PIEZO2: variants seen among roughly 807,000 people sequenced by gnomAD.
PIEZO2 encodes the protein piezo-type mechanosensitive ion channel component 2.
A neutral mutation model predicts 337.3 loss-of-function variants in PIEZO2; 172 were observed. The observed-to-expected ratio is 0.51, with a 90% CI of 0.45 to 0.58. The LOEUF (loss-of-function observed/expected upper bound fraction) is 0.58. Ranked by LOEUF, PIEZO2 falls within the 20% of genes least tolerant of loss-of-function variation. PIEZO2 has a pLI of 0.00. For missense variants in PIEZO2, 3,028 were observed against 3,391.3 expected (o/e 0.89, Z 2.66); for synonymous variants, 1,251 against 1,228.5 (o/e 1.02, Z -0.38).
At chr18:10,923,390 T>C (rs1012842263) in intron 3 of PIEZO2, among the ~76,000 whole-genome samples, 15 of 152,184 alleles carry the variant, frequency 9.9e-5, no homozygotes, top group African/African-American at 3.6e-4. Flanking sequence ...TAATTCCAAG[T>C]CTGTACTCCA....
chr18:11,075,218 C>A (rs111756603), intron 1 of PIEZO2, among the ~76,000 whole-genome samples: 2 of 152,032 alleles, frequency 1.3e-5, no homozygotes, highest in Admixed American at 6.6e-5. Context: ...TCTTTCTGTA[C>A]GCTGAAGCAA....
chr18:11,066,275 G>T, intron 1 of PIEZO2, 53 bp from the exon 2 acceptor site: 2 of 1,401,312 alleles, frequency 1.4e-6, no homozygotes, highest in South Asian at 2.5e-5. Flanking sequence ...AAGGCAGGTT[G>T]ACAAAACCAG....
intron 3 of PIEZO2, among the ~76,000 whole-genome samples, chr18:10,927,412 G>A (rs776714194): frequency 1.1e-4 from 16 of 152,174 alleles, no homozygotes; most frequent in Non-Finnish European, 2.2e-4. Context: ...CAGGCCGTGG[G>A]TGGGGGACGC....
Position 10,943,855 on chromosome 18 carries a change from C to T in PIEZO2, c.287-32627G>A, listed in dbSNP as rs1779601454. On this transcript the variant is annotated intron_variant, in intron 3 of 55. Transcript: ENST00000674853. This position sits in a 1 kb window ranked among gnomAD's most constrained non-coding sequence, Gnocchi z 4.5. ...GACTGAATCATGGGAGCAAGTCTTT[C>T]CAGTGCTGTTCTCATGATAGTGAAT... Among the ~76,000 whole-genome samples, 1 of 152,106 alleles carries T rather than the reference C, an allele frequency of 6.6e-6. No individual in the cohort carries two copies. The highest frequency in any genetic ancestry group is 2.4e-5 in the African/African-American group (1 of 41,426).
At position 11,021,228 on chromosome 18, in the gene PIEZO2, G is replaced by A. The variant is rs2036297378; in HGVS notation, c.161-41568C>T. Among the ~76,000 whole-genome samples the A allele has an allele frequency of 6.6e-6, 1 of 152,168 alleles. No homozygotes were observed. The highest frequency in any genetic ancestry group is 1.5e-5 in the Non-Finnish European group (1 of 68,026). On this transcript the variant is annotated intron_variant, in intron 2 of 55. Transcript: ENST00000674853. This position sits in a 1 kb window ranked among gnomAD's most constrained non-coding sequence, Gnocchi z 4.7. ...CAAAGTTACAACCTAACTCAACAGT[G>A]CTAGTCACAGGTGTCAAGGAGACAG... is the stretch of plus-strand genomic sequence containing the variant.
chr18:11,089,195 C>T (rs1485781119), intron 1 of PIEZO2, among the ~76,000 whole-genome samples: 1 of 152,118 alleles, frequency 6.6e-6, no homozygotes, highest in Non-Finnish European at 1.5e-5. Context: ...TTTCCCAAAG[C>T]ATTCCAGGCA....
chr18:11,055,083 C>T (rs911480240), intron 2 of PIEZO2, among the ~76,000 whole-genome samples: 5 of 152,062 alleles, frequency 3.3e-5, no homozygotes, highest in Non-Finnish European at 2.9e-5. Context: ...CGGTGGCAGG[C>T]GCCTGTAGTC....
chr18:10,939,918 G>A (rs2870425), intron 3 of PIEZO2, among the ~76,000 whole-genome samples: 63,211 of 151,582 alleles, frequency 0.42, 13,865 homozygotes, highest in Non-Finnish European at 0.5. Context: ...CATGTATCCC[G>A]TGACTTAAAG....
At chr18:10,937,830 T>C (rs2032490412) in intron 3 of PIEZO2, among the ~76,000 whole-genome samples, 1 of 152,206 alleles carries the variant, frequency 6.6e-6, no homozygotes, top group African/African-American at 2.4e-5. Context: ...TATGTTCTCA[T>C]AGCCTTTGCC....
At position 10,943,172 on chromosome 18, in the gene PIEZO2, A is replaced by G. The variant is rs907524734; in HGVS notation, c.287-31944T>C. On this transcript the variant is annotated intron_variant, in intron 3 of 55. Transcript: ENST00000674853. This position sits in a 1 kb window ranked among gnomAD's most constrained non-coding sequence, Gnocchi z 4.5. The stretch of plus-strand genomic sequence containing the variant: ...AGGGAAATGTGGAGTCAGAGCCATG[A>G]CGCACAGTCCCTACTGGGGCACCAC... Among the ~76,000 whole-genome samples, 1 of 152,204 alleles carries G rather than the reference A, an allele frequency of 6.6e-6. No homozygotes were observed. The highest frequency in any genetic ancestry group is 2.4e-5 in the African/African-American group (1 of 41,452).
chr18:10,694,537 T>C (rs1202885473), intron 47 of PIEZO2, among the ~76,000 whole-genome samples: 1 of 152,164 alleles, frequency 6.6e-6, no homozygotes, highest in Admixed American at 6.5e-5. Context: ...ATGTTTAAAA[T>C]AGTACATCAT....
At chr18:11,018,956 G>C (rs1253509081) in intron 2 of PIEZO2, among the ~76,000 whole-genome samples, 1 of 151,908 alleles carries the variant, frequency 6.6e-6, no homozygotes, top group East Asian at 1.9e-4. Flanking sequence ...TCCATCACAG[G>C]TGTTTCGTGA....
At chr18:10,777,033 G>T (rs1360272993) in intron 18 of PIEZO2, among the ~76,000 whole-genome samples, 1 of 152,158 alleles carries the variant, frequency 6.6e-6, no homozygotes, top group African/African-American at 2.4e-5. Flanking sequence ...GCAGGATTTT[G>T]ACTTTGGGAC....
At chr18:11,053,609 T>C (rs1018366716) in intron 2 of PIEZO2, among the ~76,000 whole-genome samples, 1 of 152,250 alleles carries the variant, frequency 6.6e-6, no homozygotes, top group African/African-American at 2.4e-5. Flanking sequence ...TGAGCACTTA[T>C]TGTGGCCTTT....
chr18:10,692,822 T>G (rs971060170), intron 47 of PIEZO2, among the ~76,000 whole-genome samples: 1 of 152,196 alleles, frequency 6.6e-6, no homozygotes, highest in Non-Finnish European at 1.5e-5. Flanking sequence ...ACTGTTCTTT[T>G]TCAAAGTTCT....
chr18:10,817,666 G>C (rs2040401896), intron 7 of PIEZO2, among the ~76,000 whole-genome samples: 1 of 152,168 alleles, frequency 6.6e-6, no homozygotes, highest in Non-Finnish European at 1.5e-5. Flanking sequence ...GCTCACGCCT[G>C]TAATCCTAGC....
At chr18:10,867,038 A>G (rs2042025321) in intron 5 of PIEZO2, among the ~76,000 whole-genome samples, 1 of 152,230 alleles carries the variant, frequency 6.6e-6, no homozygotes, top group African/African-American at 2.4e-5. Flanking sequence ...GACAGCCTTT[A>G]GCACAACAAC....
At position 10,894,980 on chromosome 18, in the gene PIEZO2, CCT is replaced by C. The variant is rs1409141596; in HGVS notation, c.329+16204_329+16205del. ...ATGTCTGCAGATCCCACAATCCCTC[CCT>C]CTCTTTCCTGAGATGAGAGTCTGTA... On this transcript the variant is annotated intron_variant, in intron 4 of 55. Coordinates refer to ENST00000674853, the MANE Select transcript of PIEZO2 (RefSeq NM_001378183.1). The surrounding 1 kb of genome is among the most constrained non-coding windows in gnomAD (Gnocchi z 4.1). 6.6e-6 allele frequency among the ~76,000 whole-genome samples: 1 copy of C among 152,338 alleles called. No homozygotes were observed. The highest frequency in any genetic ancestry group is 6.5e-5 in the Admixed American group (1 of 15,310).
chr18:11,148,623 G>T lies in PIEZO2; in HGVS notation c.-35C>A. On this transcript the variant is annotated 5_prime_UTR_variant, in exon 1 of 56. Coordinates refer to ENST00000674853, the MANE Select transcript of PIEZO2 (RefSeq NM_001378183.1). The surrounding 1 kb of genome is among the most constrained non-coding windows in gnomAD (Gnocchi z 5.2). ...CCGGCGAGTCGGAGCAGAGGGGCGAGGCTCGAGGGTCCCTAGGGGTGGTGG... is the reference window on the plus strand; with the variant it reads ...CCGGCGAGTCGGAGCAGAGGGGCGATGCTCGAGGGTCCCTAGGGGTGGTGG... The T allele has an allele frequency of 1.3e-6, 2 of 1,535,844 alleles. No homozygotes were observed. The highest frequency in any genetic ancestry group is 1.7e-6 in the Non-Finnish European group (2 of 1,146,032).
Sources: allele counts gnomAD v4.1 joint callset (sites outside exome capture counted in the v4.1 genomes callset), GRCh38; gene constraint gnomAD v4.1.1; non-coding constraint Gnocchi (gnomAD v3.1); transcripts MANE v1.5; gene names NCBI Gene and HGNC (gene_info 2026-07-23, HGNC 2026-07-21).